Variants in IGF2BP2 observed in about 807,000 individuals in gnomAD.
The protein encoded by IGF2BP2 is insulin-like growth factor 2 mRNA-binding protein 2.
In IGF2BP2, 17 loss-of-function variants were observed where a neutral mutation model predicts 75.8. The ratio of observed to expected loss-of-function variants is 0.22; its 90% confidence interval spans 0.15 to 0.34. The LOEUF is 0.34. IGF2BP2 is among the 10% of genes least tolerant of loss of function. IGF2BP2 has a pLI of 1.00. For synonymous variants in IGF2BP2, 288 were observed against 295.6 expected (o/e 0.97, Z 0.26); for missense variants, 516 against 772.4 (o/e 0.67, Z 3.93).
At chr3:185,813,150 C>A (rs963512057) in intron 2 of IGF2BP2, among the ~76,000 whole-genome samples, 17 of 152,182 alleles carry the variant, frequency 1.1e-4, no homozygotes, top group Admixed American at 8.5e-4. Flanking sequence ...ACCTACTTTA[C>A]AAATCTAAAT....
Position 185,825,032 on chromosome 3 carries a change from C to A in IGF2BP2, c.-72G>T. The A allele has an allele frequency of 2.5e-5, 31 of 1,261,250 alleles. No homozygotes were observed. Among genetic ancestry groups the A allele is most frequent in the Non-Finnish European group, 3.2e-5 (30 of 944,990 alleles). 78.1% of individuals were successfully genotyped at this position (1,261,250 alleles called of 1,614,324 possible). ...CGCTCCTCGCCTCCTCCGCTGCCCT[C>A]GTCTCTCCTCCTCCTCCGCCCCCCC... On this transcript the variant is annotated 5_prime_UTR_variant, in exon 1 of 16. Transcript: ENST00000382199.
chr3:185,817,594 A>T (rs1241146973), intron 2 of IGF2BP2, among the ~76,000 whole-genome samples: 1 of 152,224 alleles, frequency 6.6e-6, no homozygotes, highest in African/African-American at 2.4e-5. Flanking sequence ...GCTGCCTAAA[A>T]TAGAACCCAT....
intron 5 of IGF2BP2, among the ~76,000 whole-genome samples, chr3:185,691,561 G>A (rs778713338): frequency 5.3e-5 from 8 of 152,152 alleles, no homozygotes; most frequent in Non-Finnish European, 7.4e-5. Flanking sequence ...CATAATTCTA[G>A]TTATAATGAC....
intron 10 of IGF2BP2, among the ~76,000 whole-genome samples, chr3:185,662,203 CGTG>C (rs1259715541): frequency 2.0e-5 from 3 of 152,018 alleles, no homozygotes; most frequent in Non-Finnish European, 4.4e-5. Context: ...TCTGGCCAGA[CGTG>C]GTGGCTCAAG....
At chr3:185,745,973 C>G (rs1730203767) in intron 2 of IGF2BP2, among the ~76,000 whole-genome samples, 1 of 152,112 alleles carries the variant, frequency 6.6e-6, no homozygotes, top group African/African-American at 2.4e-5. Context: ...ACACTCCTTG[C>G]TAACTGAAGT....
chr3:185,777,438 C>A (rs1734665111), intron 2 of IGF2BP2, among the ~76,000 whole-genome samples: 1 of 152,026 alleles, frequency 6.6e-6, no homozygotes, highest in South Asian at 2.1e-4. Flanking sequence ...CTGCAGTGAG[C>A]CAAGATCGCA....
At chr3:185,672,756 G>T in intron 9 of IGF2BP2, 87 bp from the exon 10 acceptor site, 1 of 1,463,816 alleles carries the variant, frequency 6.8e-7, no homozygotes, top group South Asian at 1.2e-5. Context: ...TTGTCTTAAT[G>T]GCACCAGCGT....
rs561256199 is a variant in IGF2BP2 at position 185,749,759 on chromosome 3, T to C, written c.240-51412A>G. Among the ~76,000 whole-genome samples, 15 of 152,320 alleles carry C rather than the reference T, an allele frequency of 9.8e-5. 2 individuals carry two copies. The highest frequency in any genetic ancestry group is 3.4e-4 in the African/African-American group (14 of 41,564). ...GAATTAGCCAGGATATGATCTCTCA[T>C]TGAAAGGCACTATTTCAATTAACAA... On this transcript the variant is annotated intron_variant, in intron 2 of 15. Coordinates refer to ENST00000382199, the MANE Select transcript of IGF2BP2 (RefSeq NM_006548.6).
intron 2 of IGF2BP2, among the ~76,000 whole-genome samples, chr3:185,738,534 AC>A (rs1418748025): frequency 1.3e-5 from 2 of 152,206 alleles, no homozygotes; most frequent in Non-Finnish European, 2.9e-5. Flanking sequence ...AGAGGGGAGA[AC>A]GAAAGAGATG....
At chr3:185,656,322 GATAA>G (rs1447631833) in intron 12 of IGF2BP2, among the ~76,000 whole-genome samples, 6 of 152,250 alleles carry the variant, frequency 3.9e-5, no homozygotes, top group African/African-American at 1.4e-4. Context: ...CTGCAGATAA[GATAA>G]ATGAGGTCTG....
chr3:185,808,355 C>T (rs994210454), intron 2 of IGF2BP2, among the ~76,000 whole-genome samples: 1 of 151,820 alleles, frequency 6.6e-6, no homozygotes, highest in African/African-American at 2.4e-5. Flanking sequence ...TGGCAGGCAC[C>T]TGCAATCGCA....
intron 7 of IGF2BP2, among the ~76,000 whole-genome samples, chr3:185,677,068 T>TAGAGAGAGAGAGAGAGAGAG (rs71164535): frequency 8.4e-5 from 3 of 35,862 alleles, no homozygotes; most frequent in African/African-American, 1.6e-4. Flanking sequence ...TATATATATA[T>TAGAGAGAGAGAGAGAGAGAG]AGAGAGAGAG....
In IGF2BP2 at chr3:185,652,110, G is replaced by A. The variant is rs1714696269; in HGVS notation, c.1445C>T (p.Pro482Leu). The A allele has an allele frequency of 2.5e-6, 4 of 1,612,496 alleles. No individual in the cohort carries two copies. Among genetic ancestry groups the A allele is most frequent in the East Asian group, 2.2e-5 (1 of 44,864 alleles). Residue 482 changes from proline to leucine, a missense_variant, in exon 13 of 16, where the codon CCG becomes CTG. By Grantham distance (98) the Pro-to-Leu change is moderately conservative (BLOSUM62 -3). Coordinates refer to ENST00000382199, the MANE Select transcript of IGF2BP2 (RefSeq NM_006548.6). The part of the protein sequence containing the change: ...SERMVIITGP[P>L]EAQFKAQGRI... ...GGCACTAACCTTGAACTGGGCTTCC[G>A]GTGGCCCGGTGATGATGACCATCCT... is the stretch of plus-strand genomic sequence containing the variant.
chr3:185,779,679 C>T (rs1734957704), intron 2 of IGF2BP2, among the ~76,000 whole-genome samples: 1 of 152,116 alleles, frequency 6.6e-6, no homozygotes, highest in African/African-American at 2.4e-5. Context: ...TTAACAAAAT[C>T]CCCAGGTAAT....
chr3:185,666,462 C>T lies in IGF2BP2; in HGVS notation c.1200+6079G>A, dbSNP rs187910068. ...CAGCCTGGGTAACATGGTGAAACCC[C>T]GTCTCTACTAAAAATACAAAAATTA... is the stretch of plus-strand genomic sequence containing the variant. On this transcript the variant is annotated intron_variant, in intron 10 of 15. Coordinates refer to ENST00000382199, the MANE Select transcript of IGF2BP2 (RefSeq NM_006548.6). Among the ~76,000 whole-genome samples the T allele has an allele frequency of 1.1e-4, 17 of 152,144 alleles. No homozygotes were observed. The South Asian group carries it at 1.5e-3, about 13-fold the overall frequency.
rs1237383407 is a variant in IGF2BP2 at position 185,820,229 on chromosome 3, TACACATACACACACACACAC to T, written c.239+2904_239+2923del. Among the ~76,000 whole-genome samples, 261 of 133,874 alleles carry T rather than the reference TACACATACACACACACACAC, an allele frequency of 1.9e-3. 2 individuals carry two copies. The highest frequency in any genetic ancestry group is 5.4e-3 in the African/African-American group (193 of 35,706). The allele number at this position is 133,874 out of a possible 152,430, so 87.8% of individuals were successfully genotyped here. On this transcript the variant is annotated intron_variant, in intron 2 of 15. Coordinates refer to ENST00000382199, the MANE Select transcript of IGF2BP2 (RefSeq NM_006548.6). The stretch of plus-strand genomic sequence containing the variant: ...ATGTGTGTGTGTGTATGTGTATATA[TACACATACACACACACACAC>T]ACACACACACACACACACACACACA...
chr3:185,767,302 G>A (rs185310078), intron 2 of IGF2BP2, among the ~76,000 whole-genome samples: 78 of 152,248 alleles, frequency 5.1e-4, no homozygotes, highest in Non-Finnish European at 9.7e-4. Flanking sequence ...TCTCCACAAC[G>A]ATGACCAGAG....
intron 2 of IGF2BP2, among the ~76,000 whole-genome samples, chr3:185,752,067 T>C (rs1173063659): frequency 4.6e-5 from 7 of 152,226 alleles, no homozygotes; most frequent in Non-Finnish European, 1.0e-4. Flanking sequence ...TGCAATCTTC[T>C]TCACTTAGTA....
intron 2 of IGF2BP2, among the ~76,000 whole-genome samples, chr3:185,711,151 A>G (rs999121637): frequency 2.0e-5 from 3 of 152,334 alleles, no homozygotes; most frequent in Admixed American, 2.0e-4. Flanking sequence ...TCAGTTCTGT[A>G]AAGGGGGAAA....
Sources: gnomAD v4.1 joint callset for allele counts (sites outside exome capture counted in the v4.1 genomes callset) on GRCh38, gnomAD v4.1.1 for gene constraint, MANE v1.5 for transcripts, NCBI Gene and HGNC (gene_info 2026-07-23, HGNC 2026-07-21) for gene names.